Variants in LRRC56 observed in about 807,000 individuals in gnomAD.
LRRC56 encodes the protein leucine rich repeat containing 56.
LRRC56 carries 41 observed loss-of-function variants against 47.8 expected under a neutral mutation model. That is an observed-to-expected ratio of 0.86 (90% CI 0.67 to 1.11). The LOEUF (loss-of-function observed/expected upper bound fraction) is 1.11. Among genes scored for constraint, LRRC56 ranks in the 50% most tolerant of loss-of-function variants. The pLI, the probability that LRRC56 is intolerant of heterozygous loss-of-function variation, is 0.00. For synonymous variants in LRRC56, 387 were observed against 311.2 expected (o/e 1.24, Z -2.56); for missense variants, 759 against 704.2 (o/e 1.08, Z -0.88).
chr11:530,250 C>G, the LRRC56 span, among the ~76,000 whole-genome samples: 1 of 152,220 alleles, frequency 6.6e-6, no homozygotes, highest in Non-Finnish European at 1.5e-5. Context: ...GAGGCAGGTC[C>G]AGAGATACCT....
chr11:517,263 C>G, the LRRC56 span, among the ~76,000 whole-genome samples: 10 of 152,034 alleles, frequency 6.6e-5, no homozygotes, highest in Middle Eastern at 3.4e-3. Flanking sequence ...CTCTGCCCGG[C>G]CGCCACCCCG....
In LRRC56 at chr11:551,119, CT is replaced by C; in HGVS notation, c.625-11del. 3 of 1,419,898 alleles carry C rather than the reference CT, an allele frequency of 2.1e-6. No individual in the cohort carries two copies. Among genetic ancestry groups the C allele is most frequent in the African/African-American group, 1.5e-5 (1 of 68,866 alleles). 88.0% of individuals were successfully genotyped at this position (1,419,898 alleles called of 1,614,324 possible). ...AGACCTGCCCTCCCTCCCCCTCCCC[CT>C]CCCCCTGCAGGTGCCCAGGGGCTAC... On this transcript the variant is annotated splice_polypyrimidine_tract_variant and intron_variant, in intron 8 of 13. Coordinates refer to ENST00000270115, the MANE Select transcript of LRRC56 (RefSeq NM_198075.4).
chr11:544,021 T>G (rs1332838533), intron 5 of LRRC56, among the ~76,000 whole-genome samples: 2 of 152,250 alleles, frequency 1.3e-5, no homozygotes, highest in Non-Finnish European at 2.9e-5. Flanking sequence ...GTGCTGGGAT[T>G]ACAGGCGTGA....
chr11:507,814 G>A, the LRRC56 span, among the ~76,000 whole-genome samples: 1 of 152,364 alleles, frequency 6.6e-6, no homozygotes, highest in Admixed American at 6.5e-5. Context: ...TGCCCGTCCT[G>A]GCCACTGGCT....
Position 552,244 on chromosome 11 carries a change from TC to T in LRRC56, c.1181+14del. 6.2e-7 allele frequency: 1 copy of T among 1,603,576 alleles called. No individual in the cohort carries two copies. The highest frequency in any genetic ancestry group is 1.7e-5 in the Admixed American group (1 of 59,556). On this transcript the variant is annotated intron_variant, in intron 12 of 13. Transcript: ENST00000270115. ...GAACATGGCGTGCGGTGGGTGTCCC[TC>T]CAGCTCTTCCACTGGGTGTGTCCTG...
Position 541,180 on chromosome 11 carries a change from A to AG in LRRC56, c.177+325dup, listed in dbSNP as rs566576130. ...AGCATCCATTATCCTCCAACCAAAGAGGGGGGTCCTTCACTCAAGCGGGAG... is the reference window on the plus strand; with the variant it reads ...AGCATCCATTATCCTCCAACCAAAGAGGGGGGGTCCTTCACTCAAGCGGGAG... On this transcript the variant is annotated intron_variant, in intron 4 of 13. Coordinates refer to ENST00000270115, the MANE Select transcript of LRRC56 (RefSeq NM_198075.4). The surrounding 1 kb of genome is among the most constrained non-coding windows in gnomAD (Gnocchi z 4.1). Among the ~76,000 whole-genome samples, 147 of 152,222 alleles carry AG rather than the reference A, an allele frequency of 9.7e-4. No individual in the cohort carries two copies. The highest frequency in any genetic ancestry group is 2.9e-3 in the African/African-American group (121 of 41,532).
At chr11:551,075 G>T in intron 8 of LRRC56, 56 bp from the exon 9 acceptor site, 1 of 1,054,894 alleles carries the variant, frequency 9.5e-7, no homozygotes, top group East Asian at 3.0e-5. Context: ...AGAGCTGGCC[G>T]GAAGGAAACA....
the LRRC56 span, among the ~76,000 whole-genome samples, chr11:530,818 G>A: frequency 2.5e-5 from 1 of 39,372 alleles, no homozygotes; most frequent in Non-Finnish European, 4.5e-5. Context: ...GGCGAGTGTG[G>A]CGTCCCCTGG....
At chr11:532,372 C>T in the LRRC56 span, 3 of 579,048 alleles carry the variant, frequency 5.2e-6, no homozygotes, top group Non-Finnish European at 9.3e-6. Flanking sequence ...GCACAGCCTC[C>T]CTGGGAGGGT....
chr11:546,563 G>A (rs546117604), intron 6 of LRRC56, among the ~76,000 whole-genome samples: 22 of 129,606 alleles, frequency 1.7e-4, no homozygotes, highest in East Asian at 1.1e-3. Context: ...GTGAGACTTC[G>A]TCTCAAAAAA....
intron 13 of LRRC56, among the ~76,000 whole-genome samples, chr11:553,268 G>A (rs1042880200): frequency 6.6e-6 from 1 of 152,064 alleles, no homozygotes; most frequent in Non-Finnish European, 1.5e-5. Context: ...CTCCCTCAGC[G>A]GGCAGGCAGG....
At chr11:513,636 C>T in the LRRC56 span, among the ~76,000 whole-genome samples, 3 of 152,014 alleles carry the variant, frequency 2.0e-5, no homozygotes, top group Non-Finnish European at 2.9e-5. Flanking sequence ...AACAGCATCG[C>T]GTGCTACGGA....
chr11:553,415 G>T (rs1852537885), intron 13 of LRRC56, among the ~76,000 whole-genome samples: 1 of 152,162 alleles, frequency 6.6e-6, no homozygotes, highest in Non-Finnish European at 1.5e-5. Flanking sequence ...TATGGTGGTG[G>T]GTGTCTGTGG....
At chr11:508,226 C>A in the LRRC56 span, among the ~76,000 whole-genome samples, 1 of 152,184 alleles carries the variant, frequency 6.6e-6, no homozygotes, top group Admixed American at 6.5e-5. Flanking sequence ...ACTGCAGTGG[C>A]GCGATCCCAG....
the LRRC56 span, chr11:506,841 T>C: frequency 1.8e-4 from 28 of 152,264 alleles, no homozygotes; most frequent in African/African-American, 6.8e-4. Context: ...GGGCAAGGAC[T>C]TCCGGCAAGC....
the LRRC56 span, among the ~76,000 whole-genome samples, chr11:526,474 C>A: frequency 2.0e-5 from 3 of 152,184 alleles, no homozygotes; most frequent in Non-Finnish European, 2.9e-5. Flanking sequence ...CCACAGGACC[C>A]AGCAACCCCG....
upstream of LRRC56, chr11:534,001 AC>A: frequency 1.3e-6 from 2 of 1,565,226 alleles, no homozygotes. Context: ...GGGAGTTCAC[AC>A]AGCCAGCCTC....
Position 552,609 on chromosome 11 carries a change from GC to G in LRRC56, c.1223del (p.Ala408ValfsTer2). ...GCACCCGGAGTCCCAACAGGAAGGG[GC>G]TGTAGCCCCCTGGGGCCCACGGAGG... Reference protein sequence around the residue: ...YRHPESQQEGAVAPWGPRRVP... With the variant: ...YRHPESQQEGXVAPWGPRRVP... On this transcript the variant is annotated frameshift_variant, in exon 13 of 14. Transcript: ENST00000270115. LOFTEE classifies it high-confidence loss of function. 4.3e-6 allele frequency: 7 copies of G among 1,609,664 alleles called. No individual in the cohort carries two copies. The highest frequency in any genetic ancestry group is 5.9e-6 in the Non-Finnish European group (7 of 1,178,382).
In LRRC56 at chr11:554,827, A is replaced by G. The variant is rs1034449193; in HGVS notation, c.*551A>G. 1.5e-5 allele frequency: 9 copies of G among 590,240 alleles called. No homozygotes were observed. In the Admixed American group the frequency reaches 3.6e-4, roughly 23 times the overall value. The allele number at this position is 590,240 out of a possible 1,614,324, so 36.6% of individuals were successfully genotyped here. On this transcript the variant is annotated 3_prime_UTR_variant, in exon 14 of 14. Coordinates refer to ENST00000270115, the MANE Select transcript of LRRC56 (RefSeq NM_198075.4). Reference sequence around the variant, plus strand: ...TCCTCTTGGCGCAGGACGCCCCGGAACCCAAACCAACATTTCCAGCTCTCA... The same window carrying G: ...TCCTCTTGGCGCAGGACGCCCCGGAGCCCAAACCAACATTTCCAGCTCTCA...
Sources: allele counts gnomAD v4.1 joint callset (sites outside exome capture counted in the v4.1 genomes callset), GRCh38; gene constraint gnomAD v4.1.1; non-coding constraint Gnocchi (gnomAD v3.1); transcripts MANE v1.5; gene names NCBI Gene and HGNC (gene_info 2026-07-23, HGNC 2026-07-21).